KLHL29: variants seen among roughly 807,000 people sequenced by gnomAD.
The protein encoded by KLHL29 is kelch-like protein 29.
Under a neutral mutation model 80.4 loss-of-function variants are expected in KLHL29, and 21 were observed. The observed-to-expected ratio is 0.26, with a 90% confidence interval of 0.19 to 0.38. The LOEUF is 0.38. Among genes scored for constraint, KLHL29 ranks in the 10% least tolerant of loss-of-function variants. The probability of loss-of-function intolerance (pLI) is 1.00; values close to 1 mark genes in which losing one functional copy is unlikely to be tolerated. For missense variants in KLHL29, 867 were observed against 1,223.9 expected, an observed-to-expected ratio of 0.71 and a Z score of 4.35; for synonymous variants, 511 against 526.8, an observed-to-expected ratio of 0.97 and a Z score of 0.41.
chr2:23,627,462 C>T (rs1228589466), intron 3 of KLHL29, among the ~76,000 whole-genome samples: 1 of 152,232 alleles, frequency 6.6e-6, no homozygotes, highest in African/African-American at 2.4e-5. Flanking sequence ...TCATTTCTGC[C>T]CAGCTCTGAC....
chr2:23,632,527 C>T (rs1669494586), intron 3 of KLHL29, among the ~76,000 whole-genome samples: 1 of 152,280 alleles, frequency 6.6e-6, no homozygotes, highest in Non-Finnish European at 1.5e-5. Context: ...CCACTCTTTG[C>T]AGGCAATGGC....
chr2:23,450,864 A>G (rs961576896), intron 1 of KLHL29, among the ~76,000 whole-genome samples: 5 of 152,200 alleles, frequency 3.3e-5, no homozygotes, highest in African/African-American at 1.2e-4. Context: ...TCATCATCTC[A>G]AAAAGAAACC....
At chr2:23,506,475 C>G (rs1446106583) in intron 2 of KLHL29, among the ~76,000 whole-genome samples, 1 of 152,242 alleles carries the variant, frequency 6.6e-6, no homozygotes, top group Non-Finnish European at 1.5e-5. Flanking sequence ...CCAAGAGCCA[C>G]TGCTCCTGTA....
chr2:23,652,124 C>T (rs1670103782), intron 5 of KLHL29, among the ~76,000 whole-genome samples: 1 of 152,206 alleles, frequency 6.6e-6, no homozygotes, highest in Non-Finnish European at 1.5e-5. Flanking sequence ...TGCCTTCTAC[C>T]TGTGGGTGTT....
intron 13 of KLHL29, among the ~76,000 whole-genome samples, chr2:23,705,511 A>C (rs918307310): frequency 6.6e-6 from 1 of 151,830 alleles, no homozygotes; most frequent in African/African-American, 2.4e-5. Context: ...AAAGAATGGG[A>C]AAGACTTAAC....
chr2:23,604,587 C>G (rs1340477552), intron 3 of KLHL29, among the ~76,000 whole-genome samples: 1 of 152,096 alleles, frequency 6.6e-6, no homozygotes, highest in Non-Finnish European at 1.5e-5. Flanking sequence ...GGGGGCTTTT[C>G]CTTCTGGTTC....
At chr2:23,492,662 A>G (rs908295614) in intron 2 of KLHL29, among the ~76,000 whole-genome samples, 32 of 152,208 alleles carry the variant, frequency 2.1e-4, no homozygotes, top group Non-Finnish European at 5.9e-5. Context: ...TGATGCTTAT[A>G]TGAATATAAG....
Position 23,696,389 on chromosome 2 carries a change from G to A in KLHL29, c.1981G>A (p.Asp661Asn). ...ADVWCYMSLL[D>N]NWNLVSRMTV... ...TGTCTGGTGCTACATGTCCCTGCTT[G>A]ATAACTGGAACCTCGTCTCCAGAAT... Residue 661 changes from aspartate (D) to asparagine (N), a missense_variant, in exon 11 of 14, where the codon GAT (aspartate) becomes AAT (asparagine). Around this residue, in one of 2 missense-constraint regions of KLHL29, gnomAD observed 443 missense variants for 767.0 expected, o/e 0.58. Transcript: ENST00000486442. The surrounding 1 kb of genome is among the most constrained non-coding windows in gnomAD (Gnocchi z 5.5). 1.3e-6 allele frequency: 2 copies of A among 1,551,624 alleles called. No individual in the cohort carries two copies. Among genetic ancestry groups the A allele is most frequent in the Non-Finnish European group, 1.7e-6 (2 of 1,146,968 alleles).
At chr2:23,517,084 G>T (rs887008735) in intron 2 of KLHL29, among the ~76,000 whole-genome samples, 1 of 152,184 alleles carries the variant, frequency 6.6e-6, no homozygotes, top group Non-Finnish European at 1.5e-5. Flanking sequence ...AAAGTCCAGG[G>T]AGAGGTTTCG....
At chr2:23,604,566 A>G (rs1040090431) in intron 3 of KLHL29, among the ~76,000 whole-genome samples, 9 of 152,176 alleles carry the variant, frequency 5.9e-5, no homozygotes, top group Admixed American at 2.0e-4. Context: ...GGAGCCCTGG[A>G]GGTGGCCTTG....
At chr2:23,492,024 G>T (rs1298007692) in intron 2 of KLHL29, among the ~76,000 whole-genome samples, 2 of 152,118 alleles carry the variant, frequency 1.3e-5, no homozygotes, top group African/African-American at 4.8e-5. Context: ...CAACCACCAT[G>T]GGCTCCCTGC....
Position 23,596,707 on chromosome 2 carries a change from G to A in KLHL29, c.285+34226G>A, listed in dbSNP as rs551314121. 2.6e-5 allele frequency among the ~76,000 whole-genome samples: 4 copies of A among 152,300 alleles called. No individual in the cohort carries two copies. Among genetic ancestry groups the A allele is most frequent in the Admixed American group, 6.5e-5 (1 of 15,294 alleles). On this transcript the variant is annotated intron_variant, in intron 3 of 13. Coordinates refer to ENST00000486442, the MANE Select transcript of KLHL29 (RefSeq NM_052920.2). This position sits in a 1 kb window ranked among gnomAD's most constrained non-coding sequence, Gnocchi z 4.4. ...CAAGCATCTCCCTCTAAATGAGGGC[G>A]ATAGGAAGACTCCGATGCTGGGGCA...
At chr2:23,433,669 T>G (rs1445857271) in intron 1 of KLHL29, among the ~76,000 whole-genome samples, 1 of 152,128 alleles carries the variant, frequency 6.6e-6, no homozygotes, top group Non-Finnish European at 1.5e-5. Flanking sequence ...ATCCCAGCAC[T>G]TTGAGAGGTT....
intron 5 of KLHL29, among the ~76,000 whole-genome samples, chr2:23,663,499 C>T (rs1466033460): frequency 6.6e-6 from 1 of 152,162 alleles, no homozygotes; most frequent in African/African-American, 2.4e-5. Context: ...CGTCTGCGAG[C>T]GCCTATTTGC....
intron 1 of KLHL29, among the ~76,000 whole-genome samples, chr2:23,418,566 C>T (rs1018060010): frequency 5.9e-5 from 9 of 152,204 alleles, no homozygotes; most frequent in Non-Finnish European, 1.3e-4. Context: ...CTTTCTCCTC[C>T]ACGGACTGTT....
intron 2 of KLHL29, among the ~76,000 whole-genome samples, chr2:23,527,417 G>A (rs900888758): frequency 1.3e-5 from 2 of 152,216 alleles, no homozygotes; most frequent in Non-Finnish European, 2.9e-5. Flanking sequence ...GCCCCGCCAT[G>A]CTGTCTGCAG....
At chr2:23,597,992 G>A (rs1377475176) in intron 3 of KLHL29, among the ~76,000 whole-genome samples, 1 of 152,192 alleles carries the variant, frequency 6.6e-6, no homozygotes, top group Non-Finnish European at 1.5e-5. Context: ...TTCCCATCCA[G>A]GGAACACTTG....
chr2:23,658,546 G>A (rs116571157), intron 5 of KLHL29, among the ~76,000 whole-genome samples: 2,082 of 152,294 alleles, frequency 0.014, 17 homozygotes, highest in Non-Finnish European at 0.022. Flanking sequence ...ATGAGGCTCC[G>A]TTCTTCTGGG....
intron 3 of KLHL29, among the ~76,000 whole-genome samples, chr2:23,594,044 C>T (rs1346865247): frequency 1.3e-5 from 2 of 152,230 alleles, no homozygotes; most frequent in African/African-American, 4.8e-5. Flanking sequence ...TCCTCGTCCA[C>T]TTCACAAGGT....
Sources: gnomAD v4.1 joint callset for allele counts (sites outside exome capture counted in the v4.1 genomes callset) on GRCh38, gnomAD v4.1.1 for gene constraint, gnomAD v4.1.1 regional missense constraint, Gnocchi (gnomAD v3.1) non-coding constraint, MANE v1.5 for transcripts, NCBI Gene and HGNC (gene_info 2026-07-23, HGNC 2026-07-21) for gene names.